Variants in AKIRIN2 observed in about 807,000 individuals in gnomAD.
AKIRIN2 encodes akirin-2.
In AKIRIN2, 6 loss-of-function variants were observed where a neutral mutation model predicts 29.3. That is an observed-to-expected ratio of 0.20 (90% CI 0.11 to 0.40). AKIRIN2 has a LOEUF of 0.40. Ranked by LOEUF, AKIRIN2 falls within the 10% of genes least tolerant of loss-of-function variation. The probability of loss-of-function intolerance (pLI) is 1.00; values close to 1 mark genes in which losing one functional copy is unlikely to be tolerated. For synonymous variants in AKIRIN2, 128 were observed against 117.5 expected (o/e 1.09, Z -0.58); for missense variants, 210 against 276.1 (o/e 0.76, Z 1.70).
chr6:87,698,553 T>A (rs1477683774), intron 1 of AKIRIN2, among the ~76,000 whole-genome samples: 1 of 152,218 alleles, frequency 6.6e-6, no homozygotes, highest in Non-Finnish European at 1.5e-5. Context: ...AATATGGCTA[T>A]ACTTTGTCAA....
chr6:87,693,127 G>A (rs910986423), intron 1 of AKIRIN2, among the ~76,000 whole-genome samples: 4 of 152,038 alleles, frequency 2.6e-5, no homozygotes, highest in Non-Finnish European at 4.4e-5. Context: ...TACTCGGGAG[G>A]CTGAGGCAGG....
At chr6:87,679,095 G>A (rs192211315) in intron 2 of AKIRIN2, among the ~76,000 whole-genome samples, 2 of 139,348 alleles carry the variant, frequency 1.4e-5, no homozygotes, top group East Asian at 2.1e-4. Flanking sequence ...AGATCATGCC[G>A]TTGCACTCCA....
chr6:87,680,772 C>T (rs111749480), intron 2 of AKIRIN2, among the ~76,000 whole-genome samples: 44 of 99,242 alleles, frequency 4.4e-4, no homozygotes, highest in South Asian at 7.0e-4. Flanking sequence ...CGCCCCCCCC[C>T]TTTTTTTTTT....
chr6:87,685,686 T>TC (rs1771175890), intron 1 of AKIRIN2, among the ~76,000 whole-genome samples: 3 of 152,208 alleles, frequency 2.0e-5, no homozygotes, highest in Admixed American at 6.5e-5. Context: ...AGAGTTATCT[T>TC]CAAGAAAAGC....
At chr6:87,684,994 A>G (rs556146221) in intron 1 of AKIRIN2, among the ~76,000 whole-genome samples, 11 of 152,352 alleles carry the variant, frequency 7.2e-5, no homozygotes, top group African/African-American at 2.6e-4. Context: ...CTACCATAAA[A>G]GTATTACAGC....
chr6:87,701,134 G>A (rs772287550), intron 1 of AKIRIN2, among the ~76,000 whole-genome samples: 3 of 151,928 alleles, frequency 2.0e-5, no homozygotes, highest in Admixed American at 6.6e-5. Context: ...CATTTCCGCT[G>A]GGGCTCCAGC....
intron 2 of AKIRIN2, 69 bp from the exon 3 acceptor site, chr6:87,678,036 G>A: frequency 7.0e-7 from 1 of 1,426,082 alleles, no homozygotes; most frequent in Non-Finnish European, 9.5e-7. Context: ...TCTAAATGAA[G>A]AGGTTTTATT....
Position 87,681,518 on chromosome 6 carries a change from A to G in AKIRIN2, c.379+102T>C, listed in dbSNP as rs9450770. On this transcript the variant is annotated intron_variant, in intron 2 of 4. Coordinates refer to ENST00000257787, the MANE Select transcript of AKIRIN2 (RefSeq NM_018064.4). ...ATTACTTGTATAAATGTTTTTTTAAAACTCAGAGGAGATACAGTAGCTTAA... is the reference window on the plus strand; with the variant it reads ...ATTACTTGTATAAATGTTTTTTTAAGACTCAGAGGAGATACAGTAGCTTAA... 2.2e-3 allele frequency: 2,518 copies of G among 1,169,316 alleles called. 41 individuals carry two copies. The African/African-American group carries it at 0.037, about 17-fold the overall frequency. 72.4% of individuals were successfully genotyped at this position (1,169,316 alleles called of 1,614,324 possible). A position where few individuals can be genotyped will look rare whatever the true frequency, so the allele number is the denominator to read the frequency against.
At chr6:87,676,033 A>G in intron 3 of AKIRIN2, 102 bp from the exon 4 acceptor site, 3 of 950,450 alleles carry the variant, frequency 3.2e-6, no homozygotes, top group Non-Finnish European at 4.9e-6. Flanking sequence ...TAAGTTGACA[A>G]AATCACTTAC....
In AKIRIN2 at chr6:87,675,483, T is replaced by C. The variant is rs1770953233; in HGVS notation, c.*114A>G. The C allele has an allele frequency of 1.4e-6, 2 of 1,469,594 alleles. No individual in the cohort carries two copies. Among genetic ancestry groups the C allele is most frequent in the Non-Finnish European group, 1.9e-6 (2 of 1,057,452 alleles). The allele number at this position is 1,469,594 out of a possible 1,614,324, so 91.0% of individuals were successfully genotyped here. A position where few individuals can be genotyped will look rare whatever the true frequency, so the allele number is the denominator to read the frequency against. On this transcript the variant is annotated 3_prime_UTR_variant, in exon 5 of 5. Transcript: ENST00000257787. ...AAGAGTGGTTGCCACTGACGAAAGC[T>C]TGAAATAACCTGTATTCACAGAAGG...
intron 1 of AKIRIN2, among the ~76,000 whole-genome samples, chr6:87,694,980 G>GATA (rs1028215106): frequency 4.6e-5 from 7 of 152,110 alleles, no homozygotes; most frequent in Non-Finnish European, 8.8e-5. Flanking sequence ...GCTTAATATA[G>GATA]ATACAATATC....
At chr6:87,683,398 A>G (rs1020653405) in intron 1 of AKIRIN2, among the ~76,000 whole-genome samples, 2 of 152,132 alleles carry the variant, frequency 1.3e-5, no homozygotes, top group Admixed American at 1.3e-4. Flanking sequence ...TTTTCCATTT[A>G]TTTGAACTAC....
intron 1 of AKIRIN2, among the ~76,000 whole-genome samples, chr6:87,683,165 C>G (rs1437825159): frequency 6.6e-6 from 1 of 152,084 alleles, no homozygotes; most frequent in Non-Finnish European, 1.5e-5. Context: ...AGTGGCAAGA[C>G]ATATCCAGTT....
intron 3 of AKIRIN2, 116 bp downstream of exon 3, chr6:87,677,702 T>G: frequency 5.5e-6 from 7 of 1,272,344 alleles, no homozygotes; most frequent in Non-Finnish European, 7.5e-6. Context: ...ACTGAAATTT[T>G]CTCATTCTCA....
chr6:87,687,439 CAAAAAAAA>C (rs201472497), intron 1 of AKIRIN2, among the ~76,000 whole-genome samples: 2 of 109,156 alleles, frequency 1.8e-5, no homozygotes, highest in Admixed American at 1.0e-4. Flanking sequence ...AATTCCGTTT[CAAAAAAAA>C]AAAAAAAAAC....
chr6:87,689,257 T>C (rs1771239048), intron 1 of AKIRIN2, among the ~76,000 whole-genome samples: 1 of 152,192 alleles, frequency 6.6e-6, no homozygotes, highest in Admixed American at 6.5e-5. Context: ...ATCCCAGCAC[T>C]TTGGGAAGCC....
intron 1 of AKIRIN2, among the ~76,000 whole-genome samples, chr6:87,697,248 G>A (rs1395357027): frequency 2.6e-5 from 4 of 151,556 alleles, no homozygotes; most frequent in Admixed American, 1.3e-4. Flanking sequence ...AGGAGATGGA[G>A]GTTGCAATGA....
chr6:87,676,831 C>T (rs1434243439), intron 3 of AKIRIN2, among the ~76,000 whole-genome samples: 1 of 149,814 alleles, frequency 6.7e-6, no homozygotes, highest in African/African-American at 2.5e-5. Context: ...AATCCCAGCA[C>T]TTTGAGAGGC....
At position 87,677,972 on chromosome 6, in the gene AKIRIN2, G is replaced by A. The variant is rs771356137; in HGVS notation, c.380-5C>T. On this transcript the variant is annotated splice_region_variant and splice_polypyrimidine_tract_variant and intron_variant, in intron 2 of 4. Transcript: ENST00000257787. ...AGGATGCTGCAGATGAAGTCCCTATGTACAATGAGGACAAAAAATAGCACC... is the reference window on the plus strand; with the variant it reads ...AGGATGCTGCAGATGAAGTCCCTATATACAATGAGGACAAAAAATAGCACC... 4.4e-6 allele frequency: 7 copies of A among 1,607,852 alleles called. No individual in the cohort carries two copies. The South Asian group carries it at 7.8e-5, about 18-fold the overall frequency.
Sources: allele counts gnomAD v4.1 joint callset (sites outside exome capture counted in the v4.1 genomes callset), GRCh38; gene constraint gnomAD v4.1.1; transcripts MANE v1.5; gene names NCBI Gene and HGNC (gene_info 2026-07-23, HGNC 2026-07-21).